Variants in WWP2 observed in about 807,000 individuals in gnomAD.
The protein encoded by WWP2 is NEDD4-like E3 ubiquitin-protein ligase WWP2.
In WWP2, 57 loss-of-function variants were observed where a neutral mutation model predicts 121.0. The observed-to-expected ratio is 0.47, with a 90% CI of 0.38 to 0.59. The LOEUF is 0.59. Among genes scored for constraint, WWP2 ranks in the 20% least tolerant of loss-of-function variants. The probability of loss-of-function intolerance (pLI) is 0.00; values close to 1 mark genes in which losing one functional copy is unlikely to be tolerated. For missense variants in WWP2, 962 were observed against 1,158.9 expected (o/e 0.83, Z 2.47); for synonymous variants, 449 against 441.3 (o/e 1.02, Z -0.22).
At position 69,859,004 on chromosome 16, in the gene WWP2, T is replaced by C. The variant is rs1597067064; in HGVS notation, c.576-12800T>C. On this transcript the variant is annotated intron_variant, in intron 6 of 23. Coordinates refer to ENST00000359154, the MANE Select transcript of WWP2 (RefSeq NM_001270454.2). Reference sequence around the variant, plus strand: ...CTGGGTCAAGGCTGTTCCCTAGTCATGCATGTATTTGAGAGTTCCATCTTC... The same window carrying C: ...CTGGGTCAAGGCTGTTCCCTAGTCACGCATGTATTTGAGAGTTCCATCTTC... Among the ~76,000 whole-genome samples the C allele has an allele frequency of 2.6e-5, 4 of 152,350 alleles. No homozygotes were observed. In the Middle Eastern group the frequency reaches 0.01, roughly 389 times the overall value.
In WWP2 at chr16:69,939,007, C is replaced by T. The variant is rs868151898; in HGVS notation, c.2344-20C>T. On this transcript the variant is annotated intron_variant, in intron 21 of 23. Coordinates refer to ENST00000359154, the MANE Select transcript of WWP2 (RefSeq NM_001270454.2). ...GGCCCCGTGGGTTGCCTGACTGTGC[C>T]TTGACTTGCGGACTTCCAGGTGGTG... 6.3e-7 allele frequency: 1 copy of T among 1,588,020 alleles called. No individual in the cohort carries two copies. Among genetic ancestry groups the T allele is most frequent in the East Asian group, 2.3e-5 (1 of 43,818 alleles).
At position 69,799,780 on chromosome 16, in the gene WWP2, T is replaced by C. The variant is rs1451512921; in HGVS notation, c.340+485T>C. 6.6e-6 allele frequency among the ~76,000 whole-genome samples: 1 copy of C among 152,196 alleles called. No homozygotes were observed. The highest frequency in any genetic ancestry group is 2.4e-5 in the African/African-American group (1 of 41,448). ...ATAGTGCCCTGTGCTTACTCGGCACTCAGTAAACATTTACTGGATGTTGGA... is the reference window on the plus strand; with the variant it reads ...ATAGTGCCCTGTGCTTACTCGGCACCCAGTAAACATTTACTGGATGTTGGA... On this transcript the variant is annotated intron_variant, in intron 4 of 23. Coordinates refer to ENST00000359154, the MANE Select transcript of WWP2 (RefSeq NM_001270454.2). The surrounding 1 kb of genome is among the most constrained non-coding windows in gnomAD (Gnocchi z 4.5).
chr16:69,816,325 G>T (rs1422922277), intron 4 of WWP2, among the ~76,000 whole-genome samples: 7 of 151,746 alleles, frequency 4.6e-5, no homozygotes, highest in African/African-American at 1.7e-4. Context: ...GCTCACGCTT[G>T]TAATTTCAGC....
At chr16:69,839,765 A>G (rs989540378) in intron 4 of WWP2, among the ~76,000 whole-genome samples, 2 of 152,230 alleles carry the variant, frequency 1.3e-5, no homozygotes, top group African/African-American at 4.8e-5. Flanking sequence ...TTCTATGGGC[A>G]GGGGGATATT....
At chr16:69,872,001 G>A in intron 7 of WWP2, 70 bp downstream of exon 7, 1 of 1,541,220 alleles carries the variant, frequency 6.5e-7, no homozygotes, top group Non-Finnish European at 8.8e-7. Context: ...CGTGGACACG[G>A]GATCCTGCCC....
chr16:69,888,226 G>C lies in WWP2; in HGVS notation c.891G>C (p.Gln297His). 6.2e-7 allele frequency: 1 copy of C among 1,614,100 alleles called. No individual in the cohort carries two copies. Among genetic ancestry groups the C allele is most frequent in the Admixed American group, 1.7e-5 (1 of 60,016 alleles). ...CACAGCAGCTCCCAGCGGCTGCCCA[G>C]GCCCCCGACGCTCTGCCTGCTGGGT... ...SGTQQLPAAA[Q>H]APDALPAGWE... The change falls in exon 8 of 24, where the codon CAG becomes CAC. Residue 297 changes from glutamine (Q) to histidine (H), a missense_variant. Gln to His is a conservative substitution (Grantham distance 24). Transcript: ENST00000359154.
At chr16:69,853,902 G>A (rs1315933976) in intron 6 of WWP2, among the ~76,000 whole-genome samples, 1 of 152,202 alleles carries the variant, frequency 6.6e-6, no homozygotes, top group African/African-American at 2.4e-5. Flanking sequence ...TCCCATGGTG[G>A]TCGGCTTTGG....
intron 4 of WWP2, among the ~76,000 whole-genome samples, chr16:69,822,865 C>T (rs922390336): frequency 6.6e-6 from 1 of 152,092 alleles, no homozygotes; most frequent in African/African-American, 2.4e-5. Context: ...GGCCAGGCAC[C>T]GTGGCTCACG....
chr16:69,851,008 ATTT>A (rs35175050), intron 6 of WWP2, among the ~76,000 whole-genome samples: 3 of 109,590 alleles, frequency 2.7e-5, no homozygotes, highest in Non-Finnish European at 5.6e-5. Context: ...TCACTCTTTA[ATTT>A]TTTTTTTTTT....
intron 8 of WWP2, among the ~76,000 whole-genome samples, chr16:69,904,377 C>CTT (rs538245676): frequency 2.2e-5 from 3 of 137,410 alleles, no homozygotes; most frequent in Non-Finnish European, 3.2e-5. Context: ...TGCGCATTTT[C>CTT]TTTTTTTTTT....
intron 2 of WWP2, among the ~76,000 whole-genome samples, chr16:69,796,582 A>G (rs1383209103): frequency 6.6e-6 from 1 of 152,260 alleles, no homozygotes; most frequent in East Asian, 1.9e-4. Context: ...TACAGTTTTT[A>G]CTGAATGCAT....
At chr16:69,882,012 G>T (rs565355683) in intron 7 of WWP2, among the ~76,000 whole-genome samples, 9 of 150,060 alleles carry the variant, frequency 6.0e-5, no homozygotes, top group Non-Finnish European at 1.0e-4. Context: ...TATAGATGGG[G>T]TTTTGCCATG....
intron 4 of WWP2, among the ~76,000 whole-genome samples, chr16:69,818,374 A>T (rs1255209456): frequency 6.6e-6 from 1 of 151,582 alleles, no homozygotes; most frequent in African/African-American, 2.4e-5. Context: ...CGCCCAGCTA[A>T]TTTTTTATTT....
At chr16:69,804,358 A>G (rs747206894) in intron 4 of WWP2, among the ~76,000 whole-genome samples, 1 of 151,940 alleles carries the variant, frequency 6.6e-6, no homozygotes, top group Non-Finnish European at 1.5e-5. Flanking sequence ...CATCCACATG[A>G]GTTTATTTTT....
chr16:69,831,241 G>A (rs1011625081), intron 4 of WWP2, among the ~76,000 whole-genome samples: 6 of 152,062 alleles, frequency 3.9e-5, no homozygotes, highest in Non-Finnish European at 7.4e-5. Context: ...TTTGTATTCT[G>A]AATTAGGAAC....
chr16:69,933,551 C>T (rs1439011278), intron 16 of WWP2, among the ~76,000 whole-genome samples: 1 of 152,170 alleles, frequency 6.6e-6, no homozygotes, highest in African/African-American at 2.4e-5. Context: ...AGTTACTATT[C>T]AAACAGAACC....
chr16:69,889,292 C>T (rs566312733), intron 8 of WWP2, among the ~76,000 whole-genome samples: 68 of 152,168 alleles, frequency 4.5e-4, no homozygotes, highest in African/African-American at 1.6e-3. Flanking sequence ...ACCACTGTAC[C>T]CCAGCCTGGA....
rs757130733 is a variant in WWP2 at position 69,840,261 on chromosome 16, A to G, written c.476A>G (p.Asp159Gly). The change falls in exon 5 of 24, where the codon GAT becomes GGT. Residue 159 changes from aspartate (D) to glycine (G), a missense_variant and splice_region_variant. Transcript: ENST00000359154. ...GTGCCTAATGGCAGTGCCCTGACAG[A>G]TGGTGAGTGCCGCCCTGCTCCTCAG... ...GNVPNGSALT[D>G]GSQLPSRDSS... 6.4e-7 allele frequency: 1 copy of G among 1,557,524 alleles called. No individual in the cohort carries two copies. The highest frequency in any genetic ancestry group is 1.1e-5 in the South Asian group (1 of 90,330).
At chr16:69,806,934 T>TTTTA (rs745755357) in intron 4 of WWP2, among the ~76,000 whole-genome samples, 1,591 of 148,468 alleles carry the variant, frequency 0.011, 22 homozygotes, top group African/African-American at 0.033. Context: ...CCTAGATCTG[T>TTTTA]TTTATTTATT....
Sources: gnomAD v4.1 joint callset for allele counts (sites outside exome capture counted in the v4.1 genomes callset) on GRCh38, gnomAD v4.1.1 for gene constraint, Gnocchi (gnomAD v3.1) non-coding constraint, MANE v1.5 for transcripts, NCBI Gene and HGNC (gene_info 2026-07-23, HGNC 2026-07-21) for gene names.